SLIT2: variants seen among roughly 807,000 people sequenced by gnomAD.
SLIT2 encodes slit homolog 2 protein.
In SLIT2, 41 loss-of-function variants were observed where a neutral mutation model predicts 185.7. The observed-to-expected ratio is 0.22, with a 90% CI of 0.17 to 0.29. The LOEUF (loss-of-function observed/expected upper bound fraction) is 0.29, where lower values mean the gene tolerates loss of function less well. SLIT2 is among the 10% of genes least tolerant of loss of function. The probability of loss-of-function intolerance (pLI) is 1.00; values close to 1 mark genes in which losing one functional copy is unlikely to be tolerated. For missense variants in SLIT2, 1,571 were observed against 1,909.0 expected (o/e 0.82, Z 3.30); for synonymous variants, 693 against 680.2 (o/e 1.02, Z -0.29).
chr4:20,435,031 C>CT (rs1202212262), intron 4 of SLIT2, among the ~76,000 whole-genome samples: 2 of 152,242 alleles, frequency 1.3e-5, no homozygotes, highest in African/African-American at 4.8e-5. Flanking sequence ...CATATCCTAT[C>CT]TTCTATTAGT....
At chr4:20,570,436 C>G (rs927949557) in intron 29 of SLIT2, among the ~76,000 whole-genome samples, 1 of 151,964 alleles carries the variant, frequency 6.6e-6, no homozygotes, top group Non-Finnish European at 1.5e-5. Context: ...AGAAACTTGA[C>G]TTGGAGCCCT....
intron 6 of SLIT2, among the ~76,000 whole-genome samples, chr4:20,481,608 T>C (rs1307930004): frequency 6.6e-6 from 1 of 152,116 alleles, no homozygotes; most frequent in African/African-American, 2.4e-5. Context: ...CAGAAATCTA[T>C]AATTGAATTA....
intron 26 of SLIT2, among the ~76,000 whole-genome samples, chr4:20,566,100 T>C (rs908710843): frequency 6.6e-6 from 1 of 152,024 alleles, no homozygotes; most frequent in African/African-American, 2.4e-5. Context: ...GTAGAAGTTA[T>C]ATAGCTTTTT....
At chr4:20,541,427 G>C (rs1722793341) in intron 19 of SLIT2, 26 bp from the exon 20 acceptor site, 1 of 1,610,504 alleles carries the variant, frequency 6.2e-7, no homozygotes, top group African/African-American at 1.3e-5. Context: ...AGGCTAAACT[G>C]TGCATCGTTT....
chr4:20,544,960 T>C (rs1446744472), intron 21 of SLIT2, among the ~76,000 whole-genome samples: 1 of 152,098 alleles, frequency 6.6e-6, no homozygotes, highest in Non-Finnish European at 1.5e-5. Context: ...TCAGAAAATT[T>C]AGGTAGACAT....
chr4:20,467,228 C>T (rs1043303290), intron 4 of SLIT2, among the ~76,000 whole-genome samples: 10 of 152,048 alleles, frequency 6.6e-5, no homozygotes, highest in South Asian at 4.1e-4. Flanking sequence ...ATTGTTGGGC[C>T]GGTTCTGCCA....
intron 3 of SLIT2, 131 bp from the exon 4 acceptor site, chr4:20,268,679 A>G (rs989403568): frequency 5.8e-6 from 4 of 693,742 alleles, no homozygotes; most frequent in South Asian, 1.6e-5. Flanking sequence ...TTGATTTGCA[A>G]TGCTTGAATT....
At chr4:20,418,155 C>G (rs1267423914) in intron 4 of SLIT2, among the ~76,000 whole-genome samples, 1 of 152,210 alleles carries the variant, frequency 6.6e-6, no homozygotes, top group East Asian at 1.9e-4. Flanking sequence ...ACATAGGAGG[C>G]CAAACAAATA....
intron 33 of SLIT2, among the ~76,000 whole-genome samples, chr4:20,599,117 C>A (rs555821301): frequency 6.6e-6 from 1 of 152,134 alleles, no homozygotes; most frequent in Admixed American, 6.5e-5. Context: ...TTGGAACTTA[C>A]GCAGAATAAG....
intron 4 of SLIT2, among the ~76,000 whole-genome samples, chr4:20,356,616 G>T (rs1205825379): frequency 6.6e-6 from 1 of 152,160 alleles, no homozygotes; most frequent in African/African-American, 2.4e-5. Context: ...TATTTCTCCA[G>T]TATTTCTCCC....
chr4:20,423,630 T>C (rs1023163046), intron 4 of SLIT2, among the ~76,000 whole-genome samples: 79 of 152,146 alleles, frequency 5.2e-4, no homozygotes, highest in African/African-American at 1.9e-3. Context: ...CAATTTCACA[T>C]GGGACCTTTC....
intron 6 of SLIT2, 21 bp downstream of exon 6, chr4:20,480,808 TG>T (rs1235971422): frequency 3.8e-6 from 6 of 1,584,776 alleles, no homozygotes; most frequent in Non-Finnish European, 5.2e-6. Flanking sequence ...CTATTTCTCT[TG>T]CTCTTTTAAC....
At chr4:20,539,852 TTAGAATTA>T (rs1418908067) in intron 19 of SLIT2, among the ~76,000 whole-genome samples, 1 of 152,168 alleles carries the variant, frequency 6.6e-6, no homozygotes, top group Non-Finnish European at 1.5e-5. Context: ...ATTCCAAATT[TTAGAATTA>T]TTATAACTTG....
intron 4 of SLIT2, among the ~76,000 whole-genome samples, chr4:20,353,178 CA>C (rs1415695447): frequency 2.0e-5 from 3 of 152,052 alleles, no homozygotes; most frequent in Non-Finnish European, 2.9e-5. Context: ...GCATTCATAG[CA>C]GATGTGGAAT....
chr4:20,280,517 A>AT (rs1162510450), intron 4 of SLIT2, among the ~76,000 whole-genome samples: 1 of 152,060 alleles, frequency 6.6e-6, no homozygotes, highest in Non-Finnish European at 1.5e-5. Flanking sequence ...ACCTTGCCCA[A>AT]TGTGTTCACC....
chr4:20,578,417 A>G (rs2148930331), intron 29 of SLIT2, among the ~76,000 whole-genome samples: 1 of 152,316 alleles, frequency 6.6e-6, no homozygotes, highest in African/African-American at 2.4e-5. Context: ...AGTTTGACTG[A>G]TTACATTTAA....
intron 4 of SLIT2, among the ~76,000 whole-genome samples, chr4:20,309,290 T>C (rs1052591444): frequency 2.0e-5 from 3 of 152,150 alleles, no homozygotes; most frequent in Non-Finnish European, 2.9e-5. Context: ...ACACCAATTA[T>C]AGCATTCTTT....
intron 16 of SLIT2, among the ~76,000 whole-genome samples, chr4:20,530,760 G>T (rs1422606883): frequency 3.3e-5 from 5 of 151,958 alleles, no homozygotes; most frequent in Admixed American, 1.3e-4. Context: ...ACATAATTCA[G>T]AATATATACA....
intron 29 of SLIT2, among the ~76,000 whole-genome samples, chr4:20,574,915 T>C (rs1226058471): frequency 6.6e-6 from 1 of 152,170 alleles, no homozygotes; most frequent in Non-Finnish European, 1.5e-5. Context: ...ACTCTTACAG[T>C]GTGCAGAGTT....
Sources: allele counts gnomAD v4.1 joint callset (sites outside exome capture counted in the v4.1 genomes callset), GRCh38; gene constraint gnomAD v4.1.1; transcripts MANE v1.5; gene names NCBI Gene and HGNC (gene_info 2026-07-23, HGNC 2026-07-21).